AFMID: variants seen among roughly 807,000 people sequenced by gnomAD.
AFMID encodes arylformamidase, also known as kynurenine formamidase.
AFMID carries 39 observed loss-of-function variants against 47.5 expected under a neutral mutation model. The observed-to-expected ratio is 0.82, with a 90% CI of 0.64 to 1.07. AFMID has a LOEUF of 1.07. Ranked by LOEUF, AFMID falls within the 50% of genes least tolerant of loss-of-function variation. AFMID has a pLI of 0.00. For missense variants in AFMID, 375 were observed against 387.5 expected (o/e 0.97, Z 0.27); for synonymous variants, 130 against 153.2 (o/e 0.85, Z 1.12).
At chr17:78,202,972 C>T in intron 4 of AFMID, 2 of 597,738 alleles carry the variant, frequency 3.3e-6, no homozygotes, top group Non-Finnish European at 6.0e-6. Context: ...TTAGACAGCC[C>T]TTAGCTTGTG....
At position 78,202,758 on chromosome 17, in the gene AFMID, C is replaced by G. The variant is rs768994801; in HGVS notation, c.308+7C>G. ...GATACTGGCAGAGCGGAAGGTGAGTCGGGGGATGTGGATGGTGGACTGCAA... is the reference window on the plus strand; with the variant it reads ...GATACTGGCAGAGCGGAAGGTGAGTGGGGGGATGTGGATGGTGGACTGCAA... On this transcript the variant is annotated splice_region_variant and intron_variant, in intron 4 of 10. Transcript: ENST00000409257. 2 of 1,555,558 alleles carry G rather than the reference C, an allele frequency of 1.3e-6. No individual in the cohort carries two copies. The highest frequency in any genetic ancestry group is 1.7e-6 in the Non-Finnish European group (2 of 1,149,240).
chr17:78,192,715 G>A (rs2076005388), intron 2 of AFMID: 6 of 468,196 alleles, frequency 1.3e-5, no homozygotes, highest in South Asian at 9.3e-5. Flanking sequence ...GCAAAGTGCT[G>A]TACCACGATC....
chr17:78,200,302 G>A (rs566271209), intron 2 of AFMID, among the ~76,000 whole-genome samples: 14 of 152,130 alleles, frequency 9.2e-5, no homozygotes, highest in African/African-American at 2.9e-4. Context: ...TTACAGGCAC[G>A]CGCCACCACG....
Position 78,207,188 on chromosome 17 carries a change from C to G in AFMID, c.*251C>G. ...CCGCAAGTCAATGCTCAGAGATGCC[C>G]GGAGCTGCCTCTTAGACTCGTCTGG... On this transcript the variant is annotated 3_prime_UTR_variant, in exon 11 of 11. Transcript: ENST00000409257. The G allele has an allele frequency of 1.8e-6, 1 of 557,292 alleles. No individual in the cohort carries two copies. Among genetic ancestry groups the G allele is most frequent in the Non-Finnish European group, 3.2e-6 (1 of 316,544 alleles). The allele number at this position is 557,292 out of a possible 1,614,324, so 34.5% of individuals were successfully genotyped here. A position where few individuals can be genotyped will look rare whatever the true frequency, so the allele number is the denominator to read the frequency against.
chr17:78,205,246 G>T, intron 7 of AFMID, 56 bp downstream of exon 7: 1 of 1,549,602 alleles, frequency 6.5e-7, no homozygotes. Context: ...ATGAGCCTTG[G>T]GGTTTGGGCC....
intron 4 of AFMID, 73 bp from the exon 5 acceptor site, chr17:78,204,583 G>A: frequency 7.1e-7 from 1 of 1,417,544 alleles, no homozygotes; most frequent in Non-Finnish European, 1.0e-6. Context: ...TCTGGCAAGT[G>A]GTGTGTCCAG....
At chr17:78,196,624 A>G (rs1486404112) in intron 2 of AFMID, among the ~76,000 whole-genome samples, 2 of 152,152 alleles carry the variant, frequency 1.3e-5, no homozygotes, top group African/African-American at 4.8e-5. Context: ...GGTTGCAGTG[A>G]GTCGAGACCA....
At position 78,187,482 on chromosome 17, in the gene AFMID, A is replaced by T. The variant is rs183554490; in HGVS notation, c.63+49A>T. The T allele has an allele frequency of 1.3e-5, 21 of 1,596,968 alleles. 3 individuals carry two copies. Among genetic ancestry groups the T allele is most frequent in the East Asian group, 6.7e-5 (3 of 44,686 alleles). On this transcript the variant is annotated intron_variant, in intron 1 of 10. Coordinates refer to ENST00000409257, the MANE Select transcript of AFMID (RefSeq NM_001010982.5). Reference sequence around the variant, plus strand: ...TAAGGGGCTGGGGCGGAGTTAGCTCATTTATTAGATTGGAATTCCAAGAAG... The same window carrying T: ...TAAGGGGCTGGGGCGGAGTTAGCTCTTTTATTAGATTGGAATTCCAAGAAG...
At chr17:78,203,411 T>G (rs2076300532) in intron 4 of AFMID, 1 of 150,204 alleles carries the variant, frequency 6.7e-6, no homozygotes, top group Non-Finnish European at 1.5e-5. Flanking sequence ...GTTCTGGGGT[T>G]AGGATTTGGA....
chr17:78,189,021 T>G (rs1014897906), intron 1 of AFMID, among the ~76,000 whole-genome samples: 1 of 149,238 alleles, frequency 6.7e-6, no homozygotes. Context: ...TGTGAGCCAC[T>G]GTGCCGGGCC....
intron 2 of AFMID, among the ~76,000 whole-genome samples, chr17:78,193,837 C>T (rs1003026382): frequency 2.6e-4 from 40 of 151,864 alleles, no homozygotes; most frequent in African/African-American, 9.4e-4. Context: ...ATTAGCTGGG[C>T]GTGGTGCGGG....
At chr17:78,194,882 C>T (rs1187757011) in intron 2 of AFMID, among the ~76,000 whole-genome samples, 3 of 151,826 alleles carry the variant, frequency 2.0e-5, no homozygotes, top group Non-Finnish European at 2.9e-5. Flanking sequence ...TTAGTAGAGA[C>T]GGGGTTTCTC....
At position 78,189,816 on chromosome 17, in the gene AFMID, A is replaced by T. The variant is rs1262582174; in HGVS notation, c.64-1154A>T. On this transcript the variant is annotated intron_variant, in intron 1 of 10. Transcript: ENST00000409257. ...ATTACAGGCGAGAGCCACCGTGTCCAGCATTTTCTGTTGGTTTTTTTTTTT... is the reference window on the plus strand; with the variant it reads ...ATTACAGGCGAGAGCCACCGTGTCCTGCATTTTCTGTTGGTTTTTTTTTTT... Among the ~76,000 whole-genome samples the T allele has an allele frequency of 6.1e-5, 9 of 146,458 alleles. No individual in the cohort carries two copies. In the East Asian group the frequency reaches 1.8e-3, roughly 29 times the overall value.
Position 78,202,609 on chromosome 17 carries a change from C to T in AFMID, c.259+6C>T, listed in dbSNP as rs373830522. ...CCCCGACGAGTCGTCTGAAGGTTGTCGGTGAAGGGGCTGGGGGTCCCGGGG... is the reference window on the plus strand; with the variant it reads ...CCCCGACGAGTCGTCTGAAGGTTGTTGGTGAAGGGGCTGGGGGTCCCGGGG... On this transcript the variant is annotated splice_donor_region_variant and intron_variant, in intron 3 of 10. Transcript: ENST00000409257. 1.7e-5 allele frequency: 26 copies of T among 1,512,448 alleles called. No individual in the cohort carries two copies. The South Asian group carries it at 2.1e-4, about 12-fold the overall frequency. 93.7% of individuals were successfully genotyped at this position (1,512,448 alleles called of 1,614,324 possible).
chr17:78,187,931 A>T (rs1489709444), intron 1 of AFMID, among the ~76,000 whole-genome samples: 2 of 138,608 alleles, frequency 1.4e-5, no homozygotes, highest in South Asian at 2.4e-4. Flanking sequence ...CCAGCCTGGA[A>T]GGCTGGGCGA....
chr17:78,198,064 A>G (rs1047472886), intron 2 of AFMID, among the ~76,000 whole-genome samples: 5 of 152,120 alleles, frequency 3.3e-5, no homozygotes, highest in Non-Finnish European at 4.4e-5. Context: ...CCCTGTCCCT[A>G]CAAAAAATAC....
At chr17:78,198,932 A>G (rs2076179080) in intron 2 of AFMID, among the ~76,000 whole-genome samples, 1 of 152,228 alleles carries the variant, frequency 6.6e-6, no homozygotes, top group Non-Finnish European at 1.5e-5. Context: ...ACTGTTCTTC[A>G]TATGGATATA....
At position 78,190,079 on chromosome 17, in the gene AFMID, C is replaced by T. The variant is rs536636940; in HGVS notation, c.64-891C>T. On this transcript the variant is annotated intron_variant, in intron 1 of 10. Coordinates refer to ENST00000409257, the MANE Select transcript of AFMID (RefSeq NM_001010982.5). ...ACTCCTGACCTCGTGATCCCGCCTCCGCCTCCCAAAGTGCTGGGATTACAG... is the reference window on the plus strand; with the variant it reads ...ACTCCTGACCTCGTGATCCCGCCTCTGCCTCCCAAAGTGCTGGGATTACAG... 6.2e-5 allele frequency among the ~76,000 whole-genome samples: 9 copies of T among 145,672 alleles called. No individual in the cohort carries two copies. In the East Asian group the frequency reaches 8.5e-4, roughly 14 times the overall value.
intron 2 of AFMID, among the ~76,000 whole-genome samples, chr17:78,201,293 C>CA (rs200594725): frequency 0.11 from 12,926 of 117,744 alleles, 777 homozygotes; most frequent in East Asian, 0.37. Context: ...GACTCCGTCG[C>CA]AAAAAAAAAA....
Sources: gnomAD v4.1 joint callset for allele counts (sites outside exome capture counted in the v4.1 genomes callset) on GRCh38, gnomAD v4.1.1 for gene constraint, MANE v1.5 for transcripts, NCBI Gene and HGNC (gene_info 2026-07-23, HGNC 2026-07-21) for gene names.